LMBRD1: variants seen among roughly 807,000 people sequenced by gnomAD.
The protein encoded by LMBRD1 is lysosomal cobalamin transport escort protein LMBD1.
In LMBRD1, 64 loss-of-function variants were observed where a neutral mutation model predicts 74.8. That is an observed-to-expected ratio of 0.86 (90% CI 0.70 to 1.05). The LOEUF is 1.05. Ranked by LOEUF, LMBRD1 falls within the 50% of genes least tolerant of loss-of-function variation. The pLI, the probability that LMBRD1 is intolerant of heterozygous loss-of-function variation, is 0.00. For missense variants in LMBRD1, 652 were observed against 645.9 expected, an observed-to-expected ratio of 1.01 and a Z score of -0.10; for synonymous variants, 204 against 216.3, an observed-to-expected ratio of 0.94 and a Z score of 0.50.
At chr6:69,691,059 T>C (rs1353177569) in intron 14 of LMBRD1, among the ~76,000 whole-genome samples, 1 of 152,106 alleles carries the variant, frequency 6.6e-6, no homozygotes, top group Non-Finnish European at 1.5e-5. Context: ...ACCTTTGTTT[T>C]TTCTTCATAT....
In LMBRD1 at chr6:69,689,632, C is replaced by T. The variant is rs111446510; in HGVS notation, c.1417+7931G>A. On this transcript the variant is annotated intron_variant, in intron 14 of 15. Coordinates refer to ENST00000649934, the MANE Select transcript of LMBRD1 (RefSeq NM_018368.4). Reference sequence around the variant, plus strand: ...CATCAAGAGTGAGATTTTCCTAAAGCAAGCATACAACTATGTTTGCTTGTT... The same window carrying T: ...CATCAAGAGTGAGATTTTCCTAAAGTAAGCATACAACTATGTTTGCTTGTT... 1.1e-3 allele frequency among the ~76,000 whole-genome samples: 164 copies of T among 152,158 alleles called. 1 individual carries two copies. Among genetic ancestry groups the T allele is most frequent in the African/African-American group, 3.8e-3 (156 of 41,542 alleles).
chr6:69,736,937 T>C (rs1373773861), intron 7 of LMBRD1, among the ~76,000 whole-genome samples: 2 of 152,188 alleles, frequency 1.3e-5, no homozygotes. Context: ...GTTCCTTATG[T>C]GGTATCACAT....
At chr6:69,706,595 G>GT (rs1217819293) in intron 9 of LMBRD1, among the ~76,000 whole-genome samples, 1 of 152,112 alleles carries the variant, frequency 6.6e-6, no homozygotes, top group Non-Finnish European at 1.5e-5. Context: ...TTTAAAAGTT[G>GT]TAAGTTATAC....
chr6:69,796,741 CCAACTGCAGGG>C, intron 1 of LMBRD1, 61 bp downstream of exon 1: 1 of 1,450,746 alleles, frequency 6.9e-7, no homozygotes, highest in South Asian at 1.2e-5. Flanking sequence ...CCCGGAGAGG[CCAACTGCAGGG>C]CCTGCCCCTC....
rs768797474 is a variant in LMBRD1 at position 69,701,485 on chromosome 6, G to C, written c.1041C>G (p.Asn347Lys). 4 of 1,608,380 alleles carry C rather than the reference G, an allele frequency of 2.5e-6. No homozygotes were observed. The highest frequency in any genetic ancestry group is 3.4e-6 in the Non-Finnish European group (4 of 1,176,162). Reference sequence around the variant, plus strand: ...AAAGCATATTCAGTGGATTACTCAGGTTAGCTCCAAAAATTATGAAACCAG... The same window carrying C: ...AAAGCATATTCAGTGGATTACTCAGCTTAGCTCCAAAAATTATGAAACCAG... ...IDSGFIIFGA[N>K]LSNPLNMLLP... is the part of the protein sequence containing the mutation. The change falls in exon 11 of 16, where the codon AAC (asparagine) becomes AAG (lysine). Residue 347 changes from asparagine to lysine, a missense_variant. Transcript: ENST00000649934.
At chr6:69,695,922 C>A (rs904004596) in intron 14 of LMBRD1, among the ~76,000 whole-genome samples, 5 of 151,048 alleles carry the variant, frequency 3.3e-5, no homozygotes, top group Non-Finnish European at 5.9e-5. Context: ...CAGCTCACTG[C>A]AACTTCCACC....
intron 12 of LMBRD1, among the ~76,000 whole-genome samples, chr6:69,699,550 T>C (rs1017286239): frequency 4.6e-5 from 7 of 151,778 alleles, no homozygotes; most frequent in Non-Finnish European, 5.9e-5. Flanking sequence ...ATAGACAATG[T>C]CATGTGTTTA....
intron 14 of LMBRD1, among the ~76,000 whole-genome samples, chr6:69,696,486 T>C (rs1765999569): frequency 6.6e-6 from 1 of 152,214 alleles, no homozygotes; most frequent in African/African-American, 2.4e-5. Context: ...ATATGACTCA[T>C]GACTCTGCCT....
intron 14 of LMBRD1, among the ~76,000 whole-genome samples, chr6:69,683,681 C>T (rs926631136): frequency 1.3e-5 from 2 of 150,724 alleles, no homozygotes; most frequent in African/African-American, 4.9e-5. Flanking sequence ...GAAAACATAG[C>T]TTACTGGTTC....
In LMBRD1 at chr6:69,707,120, A is replaced by C. The variant is rs143841255; in HGVS notation, c.916-5167T>G. Among the ~76,000 whole-genome samples the C allele has an allele frequency of 4.7e-3, 723 of 152,240 alleles. 8 individuals carry two copies. Among genetic ancestry groups the C allele is most frequent in the Middle Eastern group, 0.017 (5 of 294 alleles). ...TTTCTTTGTTAGCTATCATTTGGGA[A>C]CATCTCTCCGTTTCTTAAGGCTGCT... On this transcript the variant is annotated intron_variant, in intron 9 of 15. Transcript: ENST00000649934.
intron 2 of LMBRD1, among the ~76,000 whole-genome samples, chr6:69,788,163 C>T (rs1765998180): frequency 6.6e-6 from 1 of 152,000 alleles, no homozygotes; most frequent in African/African-American, 2.4e-5. Flanking sequence ...GGTACATGTG[C>T]ACAATGTGCA....
intron 3 of LMBRD1, among the ~76,000 whole-genome samples, chr6:69,772,137 G>A (rs1765589436): frequency 6.6e-6 from 1 of 152,178 alleles, no homozygotes; most frequent in African/African-American, 2.4e-5. Flanking sequence ...TTCTGTAACG[G>A]TTGGACATAG....
intron 3 of LMBRD1, among the ~76,000 whole-genome samples, chr6:69,766,283 A>C (rs530072946): frequency 1.3e-5 from 2 of 152,126 alleles, no homozygotes; most frequent in South Asian, 4.1e-4. Flanking sequence ...ACCACTAAGT[A>C]TAATGTAGCT....
At chr6:69,693,781 T>C (rs898204030) in intron 14 of LMBRD1, among the ~76,000 whole-genome samples, 4 of 151,882 alleles carry the variant, frequency 2.6e-5, no homozygotes, top group African/African-American at 9.7e-5. Context: ...TCTAATCCAA[T>C]GTCCTAATCT....
chr6:69,761,405 T>A (rs1765370242), intron 3 of LMBRD1, among the ~76,000 whole-genome samples: 1 of 152,164 alleles, frequency 6.6e-6, no homozygotes, highest in Admixed American at 6.5e-5. Context: ...CAACAAAGAA[T>A]CACATTCCAA....
At chr6:69,783,379 T>C (rs1765878418) in intron 2 of LMBRD1, among the ~76,000 whole-genome samples, 1 of 152,234 alleles carries the variant, frequency 6.6e-6, no homozygotes. Flanking sequence ...TTGTGGGTTT[T>C]GTTCTGTTTT....
At chr6:69,745,829 G>A (rs1472627532) in intron 5 of LMBRD1, 1 of 153,484 alleles carries the variant, frequency 6.5e-6, no homozygotes, top group East Asian at 1.9e-4. Flanking sequence ...TCTACAGAAA[G>A]CCTCATCTTC....
Position 69,675,561 on chromosome 6 carries a change from G to GT in LMBRD1, c.*596dup, listed in dbSNP as rs1489582946. On this transcript the variant is annotated 3_prime_UTR_variant, in exon 16 of 16. Coordinates refer to ENST00000649934, the MANE Select transcript of LMBRD1 (RefSeq NM_018368.4). ...GTATGCCTTAAATACTGTAGAGGTTGTAAGTTATCTAATGGACTGATATTT... is the reference window on the plus strand; with the variant it reads ...GTATGCCTTAAATACTGTAGAGGTTGTTAAGTTATCTAATGGACTGATATTT... Among the ~76,000 whole-genome samples, 27 of 152,144 alleles carry GT rather than the reference G, an allele frequency of 1.8e-4. No homozygotes were observed. The highest frequency in any genetic ancestry group is 2.8e-4 in the Non-Finnish European group (19 of 68,010).
At chr6:69,709,095 G>A (rs1211805771) in intron 9 of LMBRD1, among the ~76,000 whole-genome samples, 4 of 152,184 alleles carry the variant, frequency 2.6e-5, no homozygotes, top group Admixed American at 1.3e-4. Context: ...TTAGCCAGGC[G>A]TGGTGGCACA....
Sources: gnomAD v4.1 joint callset for allele counts (sites outside exome capture counted in the v4.1 genomes callset) on GRCh38, gnomAD v4.1.1 for gene constraint, MANE v1.5 for transcripts, NCBI Gene and HGNC (gene_info 2026-07-23, HGNC 2026-07-21) for gene names.